TTN: variants seen among roughly 807,000 people sequenced by gnomAD.
The protein encoded by TTN is titin, also known as connectin.
A neutral mutation model predicts 3,223.0 loss-of-function variants in TTN; 1,525 were observed. That is an observed-to-expected ratio of 0.47 (90% CI 0.45 to 0.49). TTN has a LOEUF of 0.49. Ranked by LOEUF, TTN falls within the 20% of genes least tolerant of loss-of-function variation. The pLI is 0.00. For synonymous variants in TTN, 14,094 were observed against 15,161.0 expected (o/e 0.93, Z 5.17); for missense variants, 40,786 against 43,424.0 (o/e 0.94, Z 5.40).
chr2:178,551,282 A>G, intron 335 of TTN, 22 bp from the exon 336 acceptor site: 1 of 1,595,880 alleles, frequency 6.3e-7, no homozygotes, highest in Non-Finnish European at 8.5e-7. Context: ...TAAGGAAGGT[A>G]AATGCATCAT....
At chr2:178,586,174 G>T (rs1190912855) in intron 308 of TTN, among the ~76,000 whole-genome samples, 2 of 152,022 alleles carry the variant, frequency 1.3e-5, no homozygotes, top group African/African-American at 4.8e-5. Context: ...GTTTTGATTT[G>T]CATTTCTCTA....
chr2:178,672,307 C>T (rs780184191), intron 154 of TTN, 40 bp from the exon 155 acceptor site: 4 of 1,605,360 alleles, frequency 2.5e-6, no homozygotes, highest in Non-Finnish European at 1.7e-6. Flanking sequence ...TTTTTAAACA[C>T]TGAAGAAATA....
chr2:178,720,000 G>A lies in TTN; in HGVS notation c.23642C>T (p.Ala7881Val). Residue 7881 changes from alanine (A) to valine (V), a missense_variant, in exon 81 of 363, where the codon GCA becomes GTA. By Grantham distance (64) the Ala-to-Val change is moderately conservative. Transcript: ENST00000589042. Reference sequence around the variant, plus strand: ...CTACTAACCTAGTACAGTCAAGACTGCAGAGCATTCTCTCATTCCAGCATC... The same window carrying A: ...CTACTAACCTAGTACAGTCAAGACTACAGAGCATTCTCTCATTCCAGCATC... Reference protein sequence around the residue: ...KNDAGMRECSAVLTVLEPARI... With the variant: ...KNDAGMRECSVVLTVLEPARI... 6.2e-7 allele frequency: 1 copy of A among 1,610,498 alleles called. No homozygotes were observed. Among genetic ancestry groups the A allele is most frequent in the Non-Finnish European group, 8.5e-7 (1 of 1,177,876 alleles).
At position 178,619,654 on chromosome 2, in the gene TTN, C is replaced by G; in HGVS notation, c.46663G>C (p.Asp15555His). 6.2e-7 allele frequency: 1 copy of G among 1,612,020 alleles called. No individual in the cohort carries two copies. Among genetic ancestry groups the G allele is most frequent in the Non-Finnish European group, 8.5e-7 (1 of 1,178,768 alleles). ...DQGEYRFIAK[D>H]KEARAKLELA... Reference sequence around the variant, plus strand: ...TCAAGCTTAGCTCTGGCTTCTTTGTCTTTGGCAATAAATCTGTATTCACCC... The same window carrying G: ...TCAAGCTTAGCTCTGGCTTCTTTGTGTTTGGCAATAAATCTGTATTCACCC... Residue 15555 changes from aspartate to histidine, a missense_variant, in exon 250 of 363, where the codon GAC (aspartate) becomes CAC (histidine). By Grantham distance (81) the Asp-to-His change is moderately conservative. Coordinates refer to ENST00000589042, the MANE Select transcript of TTN (RefSeq NM_001267550.2).
Position 178,711,240 on chromosome 2 carries a change from C to A in TTN, c.27996G>T (p.Val9332=). ...ATGGCTTGCCGTCTTTATACCAAGA[C>A]ACGGAGATAGGTTCTGATCCACTTA... ...CAISGSEPIS[V]SWYKDGKPLK... Residue 9332 remains valine (V), a synonymous_variant, in exon 97 of 363, where the codon GTG becomes GTT. Coordinates refer to ENST00000589042, the MANE Select transcript of TTN (RefSeq NM_001267550.2). The A allele has an allele frequency of 6.2e-7, 1 of 1,613,832 alleles. No individual in the cohort carries two copies. Among genetic ancestry groups the A allele is most frequent in the Non-Finnish European group, 8.5e-7 (1 of 1,179,800 alleles).
chr2:178,764,880 C>T (rs888441608), intron 41 of TTN, 69 bp from the exon 42 acceptor site: 1 of 1,583,250 alleles, frequency 6.3e-7, no homozygotes. Context: ...CAAAACTCTA[C>T]ATTAATTTGT....
rs778221020 is a variant in TTN at position 178,547,885 on chromosome 2, T to C, written c.93741A>G (p.Val31247=). The change falls in exon 339 of 363, where the codon GTA becomes GTG. Residue 31247 remains valine, a synonymous_variant. Coordinates refer to ENST00000589042, the MANE Select transcript of TTN (RefSeq NM_001267550.2). ...VPISGRPAPK[V]TWKLEEMRLK... Reference sequence around the variant, plus strand: ...GTCTCATTTCTTCCAGTTTCCATGTTACTTTGGGGGCAGGACGACCACTGA... The same window carrying C: ...GTCTCATTTCTTCCAGTTTCCATGTCACTTTGGGGGCAGGACGACCACTGA... The C allele has an allele frequency of 8.7e-6, 14 of 1,613,910 alleles. No homozygotes were observed. Among genetic ancestry groups the C allele is most frequent in the Non-Finnish European group, 1.1e-5 (13 of 1,179,848 alleles).
intron 21 of TTN, among the ~76,000 whole-genome samples, chr2:178,780,896 C>CAA (rs2092706904): frequency 6.6e-6 from 1 of 152,156 alleles, no homozygotes; most frequent in African/African-American, 2.4e-5. Flanking sequence ...TGCCTAGAAA[C>CAA]AAATACAACA....
intron 209 of TTN, among the ~76,000 whole-genome samples, 193 bp from the exon 210 acceptor site, chr2:178,650,464 C>T (rs2062752144): frequency 6.6e-6 from 1 of 151,892 alleles, no homozygotes; most frequent in Non-Finnish European, 1.5e-5. Context: ...CTTGCAAAGC[C>T]CTTTTAGTGT....
At chr2:178,784,395 T>G in intron 15 of TTN, 44 bp from the exon 16 acceptor site, 1 of 1,606,824 alleles carries the variant, frequency 6.2e-7, no homozygotes, top group Non-Finnish European at 8.5e-7. Context: ...TTAACCATCC[T>G]CCGATGGCTA....
Position 178,621,004 on chromosome 2 carries a change from C to T in TTN, c.45617-11G>A. 1 of 1,607,636 alleles carries T rather than the reference C, an allele frequency of 6.2e-7. No homozygotes were observed. On this transcript the variant is annotated splice_polypyrimidine_tract_variant and intron_variant, in intron 246 of 362. Transcript: ENST00000589042. ...CGATCCTGAGTTTTTCTGAAAGCAA[C>T]CGACAAGACTTTATAGTATGAATAA...
rs1375895455 is a variant in TTN at position 178,543,498 on chromosome 2, A to G, written c.96475T>C (p.Cys32159Arg). ...GAAATTCTGTAAAGTGTCTTGCTGC[A>G]TTTGGTAGTTACTGTTTTGAATGCT... The part of the protein sequence containing the change: ...MRAFKTVTTK[C>R]SKTLYRISGL... The change falls in exon 347 of 363, where the codon TGC (cysteine) becomes CGC (arginine). Residue 32159 changes from cysteine (C) to arginine (R), a missense_variant. By Grantham distance (180) the Cys-to-Arg change is radical (BLOSUM62 -3). Transcript: ENST00000589042. The G allele has an allele frequency of 3.7e-6, 6 of 1,613,562 alleles. No homozygotes were observed. The highest frequency in any genetic ancestry group is 5.1e-6 in the Non-Finnish European group (6 of 1,179,754).
At chr2:178,732,040 A>G (rs1413195693) in intron 57 of TTN, 26 bp downstream of exon 57, 1 of 1,589,808 alleles carries the variant, frequency 6.3e-7, no homozygotes, top group Admixed American at 1.7e-5. Flanking sequence ...AACTTTGGCA[A>G]CACAAGAGGC....
chr2:178,571,682 T>C lies in TTN; in HGVS notation c.74450A>G (p.Lys24817Arg), dbSNP rs565309903. The change falls in exon 326 of 363, where the codon AAA becomes AGA. Residue 24817 changes from lysine (K) to arginine (R), a missense_variant. By Grantham distance (26) the Lys-to-Arg change is conservative. Coordinates refer to ENST00000589042, the MANE Select transcript of TTN (RefSeq NM_001267550.2). ...DKPGPPTGPV[K>R]MDEVTADSIT... ...ACTATCAGCTGTCACTTCATCCATTTTAACTGGTCCAGTTGGAGGCCCTGG... is the reference window on the plus strand; with the variant it reads ...ACTATCAGCTGTCACTTCATCCATTCTAACTGGTCCAGTTGGAGGCCCTGG... 2 of 1,613,530 alleles carry C rather than the reference T, an allele frequency of 1.2e-6. No homozygotes were observed. Among genetic ancestry groups the C allele is most frequent in the South Asian group, 1.1e-5 (1 of 91,070 alleles).
chr2:178,649,493 G>A (rs1375840977), intron 212 of TTN, 61 bp downstream of exon 212: 2 of 1,491,378 alleles, frequency 1.3e-6, no homozygotes, highest in Non-Finnish European at 1.8e-6. Flanking sequence ...CAACTTATTG[G>A]ATTCCACTTT....
rs1234500748 is a variant in TTN, at chr2:178,577,098, C to G, written c.69237G>C (p.Lys23079Asn). 1 of 1,613,308 alleles carries G rather than the reference C, an allele frequency of 6.2e-7. No individual in the cohort carries two copies. The highest frequency in any genetic ancestry group is 8.5e-7 in the Non-Finnish European group (1 of 1,179,548). ...GSPIKSYILE[K>N]RETSRLLWTV... is the part of the protein sequence containing the mutation. ...TCCACAAAAGTCGGCTGGTTTCTCTCTTTTCAAGTATATAGGACTTAATTG... is the reference window on the plus strand; with the variant it reads ...TCCACAAAAGTCGGCTGGTTTCTCTGTTTTCAAGTATATAGGACTTAATTG... The change falls in exon 324 of 363, where the codon AAG (lysine) becomes AAC (asparagine). Residue 23079 changes from lysine (K) to asparagine (N), a missense_variant. Coordinates refer to ENST00000589042, the MANE Select transcript of TTN (RefSeq NM_001267550.2).
chr2:178,657,363 CGTA>C, intron 189 of TTN, 132 bp downstream of exon 189: 7 of 164,356 alleles, frequency 4.3e-5, no homozygotes, highest in Non-Finnish European at 4.5e-5. Flanking sequence ...TGTATACATA[CGTA>C]ACAACCTGCA....
In TTN at chr2:178,564,469, G is replaced by A. The variant is rs1399668147; in HGVS notation, c.81663C>T (p.Ser27221=). Residue 27221 remains serine (S), a synonymous_variant, in exon 326 of 363, where the codon AGC becomes AGT. Coordinates refer to ENST00000589042, the MANE Select transcript of TTN (RefSeq NM_001267550.2). The part of the protein sequence containing the change: ...DLPDGRWMKA[S]FTNVLETEFT... Reference sequence around the variant, plus strand: ...ATTCAGTTTCTAATACGTTGGTAAAGCTGGCTTTCATCCAGCGGCCATCAG... The same window carrying A: ...ATTCAGTTTCTAATACGTTGGTAAAACTGGCTTTCATCCAGCGGCCATCAG... 6.2e-7 allele frequency: 1 copy of A among 1,612,112 alleles called. No homozygotes were observed. Among genetic ancestry groups the A allele is most frequent in the Non-Finnish European group, 8.5e-7 (1 of 1,178,940 alleles).
Position 178,730,472 on chromosome 2 carries a change from A to T in TTN, c.18028+33T>A, listed in dbSNP as rs760804257. The T allele has an allele frequency of 4.5e-6, 7 of 1,564,324 alleles. No homozygotes were observed. In the South Asian group the frequency reaches 8.4e-5, roughly 19 times the overall value. On this transcript the variant is annotated intron_variant, in intron 61 of 362. Coordinates refer to ENST00000589042, the MANE Select transcript of TTN (RefSeq NM_001267550.2). ...AGAAATGAAACAAAAATATTTTGTA[A>T]GTTCTTGATAAGTGGAAATAAAATT...
Sources: gnomAD v4.1 joint callset for allele counts (sites outside exome capture counted in the v4.1 genomes callset) on GRCh38, gnomAD v4.1.1 for gene constraint, MANE v1.5 for transcripts, NCBI Gene and HGNC (gene_info 2026-07-23, HGNC 2026-07-21) for gene names.